RPGRIP1: variants seen among roughly 807,000 people sequenced by gnomAD.
The protein encoded by RPGRIP1 is RPGR interacting protein 1.
In RPGRIP1, 128 loss-of-function variants were observed where a neutral mutation model predicts 157.9. The observed-to-expected ratio is 0.81, with a 90% confidence interval of 0.70 to 0.94. The LOEUF is 0.94. RPGRIP1 is among the 40% of genes least tolerant of loss of function. RPGRIP1 has a pLI of 0.00. For synonymous variants in RPGRIP1, 554 were observed against 571.6 expected (o/e 0.97, Z 0.44); for missense variants, 1,486 against 1,545.8 (o/e 0.96, Z 0.65).
intron 2 of RPGRIP1, among the ~76,000 whole-genome samples, chr14:21,289,618 C>T (rs1283628357): frequency 6.6e-6 from 1 of 152,082 alleles, no homozygotes; most frequent in African/African-American, 2.4e-5. Flanking sequence ...TTATGCACTG[C>T]CCATAAGTGT....
At chr14:21,324,388 TC>T in intron 14 of RPGRIP1, 1 of 577,558 alleles carries the variant, frequency 1.7e-6, no homozygotes, top group East Asian at 2.9e-5. Context: ...TACTTTCCAG[TC>T]ACTCCTTTTG....
intron 20 of RPGRIP1, 143 bp from the exon 21 acceptor site, chr14:21,334,462 G>T (rs1884120905): frequency 3.0e-6 from 2 of 667,932 alleles, no homozygotes; most frequent in South Asian, 1.6e-5. Context: ...TGAAAAAGAG[G>T]GTTTGATTCT....
chr14:21,325,704 T>C (rs906174218), intron 16 of RPGRIP1, 127 bp from the exon 17 acceptor site: 2 of 749,948 alleles, frequency 2.7e-6, no homozygotes, highest in Non-Finnish European at 4.3e-6. Flanking sequence ...GATCATTAGG[T>C]TTCTTCCTGA....
chr14:21,324,996 T>A lies in RPGRIP1; in HGVS notation c.2141T>A (p.Leu714His). The A allele has an allele frequency of 6.2e-7, 1 of 1,614,020 alleles. No homozygotes were observed. ...GCCATGGCCAGTGAACACAGCACTC[T>A]TGCTGCAGGATGGATTTGCTTTGAC... Reference protein sequence around the residue: ...HQAMASEHSTLAAGWICFDRV... With the variant: ...HQAMASEHSTHAAGWICFDRV... The change falls in exon 15 of 25, where the codon CTT becomes CAT. Residue 714 changes from leucine (L) to histidine (H), a missense_variant. Transcript: ENST00000400017.
rs776488741 is a variant in RPGRIP1 at position 21,301,148 on chromosome 14, C to G, written c.401C>G (p.Ala134Gly). ...GGGCATTTCCACTGCGTCGGCCCTG[C>G]CAGCCCCCGCCGCGCCCAGCCTCGC... ...LQGHFHCVGP[A>G]SPRRAQPRVQ... The change falls in exon 4 of 25, where the codon GCC becomes GGC. Residue 134 changes from alanine (A) to glycine (G), a missense_variant. Coordinates refer to ENST00000400017, the MANE Select transcript of RPGRIP1 (RefSeq NM_020366.4). 1 of 1,593,494 alleles carries G rather than the reference C, an allele frequency of 6.3e-7. No individual in the cohort carries two copies. Among genetic ancestry groups the G allele is most frequent in the Non-Finnish European group, 8.5e-7 (1 of 1,170,298 alleles).
intron 4 of RPGRIP1, among the ~76,000 whole-genome samples, chr14:21,302,069 T>A (rs989518359): frequency 2.0e-5 from 3 of 152,146 alleles, no homozygotes; most frequent in African/African-American, 7.2e-5. Flanking sequence ...TCCTATAATT[T>A]CAAGTTCCAT....
In RPGRIP1 at chr14:21,326,531, G is replaced by A. The variant is rs982378963; in HGVS notation, c.2710+358G>A. On this transcript the variant is annotated intron_variant, in intron 17 of 24. Coordinates refer to ENST00000400017, the MANE Select transcript of RPGRIP1 (RefSeq NM_020366.4). ...ATTACAGACATGCGCCACCACACCC[G>A]GCTAATTTTTGTATTTTTAGTAGAG... Among the ~76,000 whole-genome samples, 5 of 152,034 alleles carry A rather than the reference G, an allele frequency of 3.3e-5. No individual in the cohort carries two copies. In the South Asian group the frequency reaches 8.3e-4, roughly 25 times the overall value.
intron 3 of RPGRIP1, among the ~76,000 whole-genome samples, chr14:21,297,197 T>C (rs1233957622): frequency 6.6e-6 from 1 of 151,874 alleles, no homozygotes; most frequent in Non-Finnish European, 1.5e-5. Flanking sequence ...CGGGTTCAAG[T>C]GATTCTCCTG....
intron 10 of RPGRIP1, among the ~76,000 whole-genome samples, chr14:21,312,877 C>T (rs1408983108): frequency 6.6e-6 from 1 of 151,916 alleles, no homozygotes; most frequent in African/African-American, 2.4e-5. Context: ...CTCTGTCACC[C>T]AGGCTGGAAA....
chr14:21,310,273 T>C (rs576844656), intron 7 of RPGRIP1, among the ~76,000 whole-genome samples: 11 of 152,292 alleles, frequency 7.2e-5, no homozygotes, highest in African/African-American at 2.6e-4. Flanking sequence ...GAGATCTTTC[T>C]GAAGTGTGCT....
chr14:21,347,674 T>C (rs1885702863), intron 23 of RPGRIP1, among the ~76,000 whole-genome samples: 1 of 152,160 alleles, frequency 6.6e-6, no homozygotes, highest in Non-Finnish European at 1.5e-5. Flanking sequence ...AGATTAGTGG[T>C]TCAGGAGCTA....
At position 21,327,642 on chromosome 14, in the gene RPGRIP1, C is replaced by A; in HGVS notation, c.2730C>A (p.Asp910Glu). ...TCTCAGGTGATTTTAACCTCACTGA[C>A]CCTGCAGAGAAACCCAACGGATCTA... Reference protein sequence around the residue: ...ESIKGDFNLTDPAEKPNGSIQ... With the variant: ...ESIKGDFNLTEPAEKPNGSIQ... Residue 910 changes from aspartate to glutamate, a missense_variant, in exon 18 of 25, where the codon GAC becomes GAA. Coordinates refer to ENST00000400017, the MANE Select transcript of RPGRIP1 (RefSeq NM_020366.4). 1 of 1,613,930 alleles carries A rather than the reference C, an allele frequency of 6.2e-7. No individual in the cohort carries two copies.
At chr14:21,295,967 G>A (rs770608673) in intron 3 of RPGRIP1, among the ~76,000 whole-genome samples, 2 of 150,348 alleles carry the variant, frequency 1.3e-5, no homozygotes, top group African/African-American at 4.9e-5. Flanking sequence ...ATGAAACCTC[G>A]CTCCGTTGCC....
chr14:21,346,112 A>G (rs999006376), intron 23 of RPGRIP1, among the ~76,000 whole-genome samples: 2 of 152,190 alleles, frequency 1.3e-5, no homozygotes, highest in Non-Finnish European at 2.9e-5. Context: ...CACCTGGTCA[A>G]CAGGAATTTT....
At position 21,312,520 on chromosome 14, in the gene RPGRIP1, T is replaced by A. The variant is rs1266458284; in HGVS notation, c.1151+14T>A. The A allele has an allele frequency of 1.3e-6, 2 of 1,585,168 alleles. No individual in the cohort carries two copies. Among genetic ancestry groups the A allele is most frequent in the East Asian group, 2.2e-5 (1 of 44,622 alleles). On this transcript the variant is annotated intron_variant, in intron 10 of 24. Transcript: ENST00000400017. ...ACTCTTAGAAAGGTGAGTACCACAT[T>A]TGGGTCCCAGAGCAGTGTTACTATG...
chr14:21,324,858 T>C lies in RPGRIP1; in HGVS notation c.2003T>C (p.Leu668Ser). 1 of 1,613,846 alleles carries C rather than the reference T, an allele frequency of 6.2e-7. No individual in the cohort carries two copies. Among genetic ancestry groups the C allele is most frequent in the Non-Finnish European group, 8.5e-7 (1 of 1,179,734 alleles). The stretch of plus-strand genomic sequence containing the variant: ...GACTTTGAAACCCACTGTACCCCAT[T>C]ATCTGTGGGGCCACAGCCCCTCTAT... The part of the protein sequence containing the change: ...FYDFETHCTP[L>S]SVGPQPLYDF... The change falls in exon 15 of 25, where the codon TTA becomes TCA. Residue 668 changes from leucine to serine, a missense_variant. Physicochemically the swap from Leu to Ser is moderately radical, Grantham distance 145. Coordinates refer to ENST00000400017, the MANE Select transcript of RPGRIP1 (RefSeq NM_020366.4).
At chr14:21,304,389 G>GAGAAAGAAAGAAAGAA (rs4058350) in intron 6 of RPGRIP1, among the ~76,000 whole-genome samples, 11 of 121,034 alleles carry the variant, frequency 9.1e-5, no homozygotes, top group East Asian at 2.7e-4. Context: ...GAAGGAGAGA[G>GAGAAAGAAAGAAAGAA]AGAAAGAAAG....
chr14:21,313,643 C>T (rs146711946), intron 10 of RPGRIP1, among the ~76,000 whole-genome samples: 1,804 of 152,002 alleles, frequency 0.012, 15 homozygotes, highest in Middle Eastern at 0.041. Flanking sequence ...CAAAAATTAG[C>T]CAGGCACAGT....
intron 21 of RPGRIP1, among the ~76,000 whole-genome samples, chr14:21,341,869 C>CACGG (rs1885034014): frequency 1.3e-5 from 2 of 151,792 alleles, no homozygotes; most frequent in Non-Finnish European, 2.9e-5. Flanking sequence ...TCCTGGCTAA[C>CACGG]TAAACCCCGT....
Sources: gnomAD v4.1 joint callset for allele counts (sites outside exome capture counted in the v4.1 genomes callset) on GRCh38, gnomAD v4.1.1 for gene constraint, MANE v1.5 for transcripts, NCBI Gene and HGNC (gene_info 2026-07-23, HGNC 2026-07-21) for gene names.